Variants in KCNT2 observed in about 807,000 individuals in gnomAD.
KCNT2 encodes the protein potassium channel subfamily T member 2.
A neutral mutation model predicts 153.8 loss-of-function variants in KCNT2; 67 were observed. The ratio of observed to expected loss-of-function variants is 0.44; its 90% CI spans 0.36 to 0.53. The LOEUF (loss-of-function observed/expected upper bound fraction) is 0.53. Among genes scored for constraint, KCNT2 ranks in the 20% least tolerant of loss-of-function variants. The pLI is 0.00. For missense variants in KCNT2, 975 were observed against 1,354.8 expected, an observed-to-expected ratio of 0.72 and a Z score of 4.40; for synonymous variants, 500 against 458.8, an observed-to-expected ratio of 1.09 and a Z score of -1.15.
intron 13 of KCNT2, among the ~76,000 whole-genome samples, chr1:196,378,039 G>A (rs1274935948): frequency 1.3e-5 from 2 of 152,022 alleles, no homozygotes. Flanking sequence ...ACATAGAGAG[G>A]CCTAGAAGAA....
chr1:196,575,718 T>G (rs1661275246), intron 1 of KCNT2, among the ~76,000 whole-genome samples: 1 of 54,102 alleles, frequency 1.8e-5, no homozygotes, highest in Non-Finnish European at 7.5e-5. Context: ...CGGAATGCAG[T>G]GGTTCACACC....
intron 14 of KCNT2, among the ~76,000 whole-genome samples, chr1:196,369,615 G>C (rs1440801348): frequency 3.3e-5 from 5 of 152,040 alleles, no homozygotes; most frequent in Non-Finnish European, 7.4e-5. Context: ...TGAGAATGAT[G>C]ATTTCCAATT....
At chr1:196,251,267 G>A (rs553210868) in intron 26 of KCNT2, among the ~76,000 whole-genome samples, 22 of 151,936 alleles carry the variant, frequency 1.4e-4, no homozygotes, top group South Asian at 4.1e-4. Flanking sequence ...GAGTAAAGAC[G>A]CCTTTCTACT....
chr1:196,548,269 T>C (rs117867808), intron 1 of KCNT2, among the ~76,000 whole-genome samples: 1,711 of 152,022 alleles, frequency 0.011, 24 homozygotes, highest in South Asian at 0.064. Flanking sequence ...AACAAGTGAA[T>C]CTTAAATCCA....
intron 1 of KCNT2, among the ~76,000 whole-genome samples, chr1:196,528,525 A>T (rs1293457334): frequency 6.6e-6 from 1 of 152,188 alleles, no homozygotes; most frequent in Non-Finnish European, 1.5e-5. Context: ...AGAAGGTGTT[A>T]TTGACTAAAC....
intron 1 of KCNT2, among the ~76,000 whole-genome samples, chr1:196,511,494 G>A (rs531139872): frequency 1.3e-5 from 2 of 152,248 alleles, no homozygotes; most frequent in East Asian, 3.9e-4. Context: ...AGTTCGGAGC[G>A]GTATGGAAGG....
chr1:196,606,757 A>G lies in KCNT2; in HGVS notation c.95+1458T>C, dbSNP rs115360212. Among the ~76,000 whole-genome samples the G allele has an allele frequency of 8.8e-3, 1,339 of 152,320 alleles. 24 individuals carry two copies. The highest frequency in any genetic ancestry group is 0.031 in the African/African-American group (1,286 of 41,572). ...TCTACAAAGAGGATTTCTATTCTAT[A>G]TAATGATCCTGAGGTCCTGAACTAA... is the stretch of plus-strand genomic sequence containing the variant. On this transcript the variant is annotated intron_variant, in intron 1 of 27. Transcript: ENST00000294725.
At chr1:196,565,550 A>T (rs1042373266) in intron 1 of KCNT2, among the ~76,000 whole-genome samples, 4 of 151,160 alleles carry the variant, frequency 2.6e-5, no homozygotes, top group African/African-American at 9.7e-5. Flanking sequence ...CCACCAATGG[A>T]TGAAAACTTT....
intron 1 of KCNT2, among the ~76,000 whole-genome samples, chr1:196,505,321 G>T (rs928003735): frequency 3.3e-5 from 5 of 152,120 alleles, no homozygotes; most frequent in Non-Finnish European, 7.4e-5. Context: ...AGTTTTCCCG[G>T]CACCATTTAT....
intron 12 of KCNT2, among the ~76,000 whole-genome samples, chr1:196,404,930 T>C (rs1246787706): frequency 6.6e-6 from 1 of 151,658 alleles, no homozygotes. Context: ...AGCAAATATT[T>C]CAATTCAATG....
At chr1:196,438,050 C>G (rs1674882785) in intron 8 of KCNT2, among the ~76,000 whole-genome samples, 1 of 151,394 alleles carries the variant, frequency 6.6e-6, no homozygotes, top group Admixed American at 6.6e-5. Context: ...AAATGAAAAG[C>G]AAATATATTA....
intron 8 of KCNT2, among the ~76,000 whole-genome samples, chr1:196,453,463 T>C (rs1676394456): frequency 6.6e-6 from 1 of 152,022 alleles, no homozygotes; most frequent in South Asian, 2.1e-4. Context: ...AATTCTCATA[T>C]TCTTATTTTT....
At chr1:196,420,772 G>A (rs967753523) in intron 12 of KCNT2, among the ~76,000 whole-genome samples, 1 of 151,978 alleles carries the variant, frequency 6.6e-6, no homozygotes, top group Non-Finnish European at 1.5e-5. Flanking sequence ...CACGTTCAGT[G>A]ATATGATTAC....
intron 14 of KCNT2, among the ~76,000 whole-genome samples, chr1:196,361,102 G>GT (rs1230705592): frequency 1.3e-5 from 2 of 151,966 alleles, no homozygotes; most frequent in Non-Finnish European, 2.9e-5. Context: ...TTGAACAGCA[G>GT]CCTATGGAGC....
chr1:196,603,050 T>A (rs1336444263), intron 1 of KCNT2, among the ~76,000 whole-genome samples: 1 of 151,502 alleles, frequency 6.6e-6, no homozygotes, highest in Non-Finnish European at 1.5e-5. Context: ...CCTCCCAAAG[T>A]GCTGGGATTA....
At chr1:196,278,912 A>G (rs1268116022) in intron 25 of KCNT2, among the ~76,000 whole-genome samples, 2 of 152,222 alleles carry the variant, frequency 1.3e-5, no homozygotes, top group African/African-American at 4.8e-5. Flanking sequence ...TGGGAAGGTG[A>G]TTAGATCATG....
intron 26 of KCNT2, among the ~76,000 whole-genome samples, chr1:196,246,878 C>T (rs947007847): frequency 6.6e-5 from 10 of 151,888 alleles, no homozygotes; most frequent in African/African-American, 2.2e-4. Context: ...GAGAAGACCA[C>T]AAAACAACCA....
Position 196,562,748 on chromosome 1 carries a change from A to T in KCNT2, c.95+45467T>A, listed in dbSNP as rs1366873284. 2.6e-5 allele frequency among the ~76,000 whole-genome samples: 4 copies of T among 151,516 alleles called. No individual in the cohort carries two copies. The East Asian group carries it at 5.8e-4, about 22-fold the overall frequency. On this transcript the variant is annotated intron_variant, in intron 1 of 27. Coordinates refer to ENST00000294725, the MANE Select transcript of KCNT2 (RefSeq NM_198503.5). ...TGAATTGCTAATTACTCCCAAGGCAATTCTATTTTAGCTCAATGTCTTTAA... is the reference window on the plus strand; with the variant it reads ...TGAATTGCTAATTACTCCCAAGGCATTTCTATTTTAGCTCAATGTCTTTAA...
In KCNT2 at chr1:196,228,184, C is replaced by G. The variant is rs1462487168; in HGVS notation, c.*40G>C. The G allele has an allele frequency of 8.1e-7, 1 of 1,235,234 alleles. No homozygotes were observed. The highest frequency in any genetic ancestry group is 2.3e-5 in the East Asian group (1 of 42,870). 76.5% of individuals were successfully genotyped at this position (1,235,234 alleles called of 1,614,324 possible). On this transcript the variant is annotated 3_prime_UTR_variant, in exon 28 of 28. Transcript: ENST00000294725. ...CCAGCAAAACTTTTGTGGTTTCAAGCAAGGTCTTTGTAGGAAAAAAGTTTC... is the reference window on the plus strand; with the variant it reads ...CCAGCAAAACTTTTGTGGTTTCAAGGAAGGTCTTTGTAGGAAAAAAGTTTC...
Sources: allele counts gnomAD v4.1 joint callset (sites outside exome capture counted in the v4.1 genomes callset), GRCh38; gene constraint gnomAD v4.1.1; transcripts MANE v1.5; gene names NCBI Gene and HGNC (gene_info 2026-07-23, HGNC 2026-07-21).